Variants in OTOF observed in about 807,000 individuals in gnomAD.
OTOF encodes the protein otoferlin, also known as fer-1-like family member 2.
OTOF carries 218 observed loss-of-function variants against 236.8 expected under a neutral mutation model. The ratio of observed to expected loss-of-function variants is 0.92; its 90% CI spans 0.82 to 1.03. The LOEUF (loss-of-function observed/expected upper bound fraction) is 1.03, where lower values mean the gene tolerates loss of function less well. Among genes scored for constraint, OTOF ranks in the 50% least tolerant of loss-of-function variants. OTOF has a pLI of 0.00. For synonymous variants in OTOF, 1,041 were observed against 1,072.5 expected (o/e 0.97, Z 0.57); for missense variants, 2,590 against 2,694.4 (o/e 0.96, Z 0.86).
rs754868039 is a variant in OTOF, at chr2:26,467,123, C to T, written c.4338G>A (p.Glu1446=). The T allele has an allele frequency of 6.8e-6, 11 of 1,613,904 alleles. No individual in the cohort carries two copies. Among genetic ancestry groups the T allele is most frequent in the Non-Finnish European group, 9.3e-6 (11 of 1,179,998 alleles). The change falls in exon 35 of 47, where the codon GAG becomes GAA. Residue 1446 remains glutamate, a synonymous_variant. Coordinates refer to ENST00000272371, the MANE Select transcript of OTOF (RefSeq NM_194248.3). ...TGDDEDGSTE[E]ERIVGRFKGS... is the part of the protein sequence containing the mutation. Reference sequence around the variant, plus strand: ...CCTTGAAGCGTCCCACAATGCGCTCCTCCTCGGTGGAGCCATCCTCATCAT... The same window carrying T: ...CCTTGAAGCGTCCCACAATGCGCTCTTCCTCGGTGGAGCCATCCTCATCAT...
At chr2:26,459,867 C>T (rs1664374542) in intron 46 of OTOF, 141 bp downstream of exon 46, 1 of 808,570 alleles carries the variant, frequency 1.2e-6, no homozygotes, top group East Asian at 2.7e-5. Context: ...TTGTGCGTGG[C>T]ACATGTGTGC....
chr2:26,476,798 C>A, intron 22 of OTOF, 93 bp downstream of exon 22: 2 of 1,172,356 alleles, frequency 1.7e-6, no homozygotes, highest in East Asian at 4.9e-5. Context: ...TGCTTGAAGG[C>A]CCCACCCTGT....
chr2:26,483,363 T>G (rs1665615300), intron 13 of OTOF, 99 bp downstream of exon 13: 1 of 1,123,170 alleles, frequency 8.9e-7, no homozygotes, highest in African/African-American at 1.5e-5. Flanking sequence ...TTTCCAGCCT[T>G]GTCTTACCTG....
chr2:26,475,400 G>C lies in OTOF; in HGVS notation c.3085C>G (p.Pro1029Ala). 6.2e-7 allele frequency: 1 copy of C among 1,613,134 alleles called. No individual in the cohort carries two copies. Among genetic ancestry groups the C allele is most frequent in the Non-Finnish European group, 8.5e-7 (1 of 1,179,936 alleles). The change falls in exon 25 of 47, where the codon CCG (proline) becomes GCG (alanine). Residue 1029 changes from proline (P) to alanine (A), a missense_variant. Physicochemically the swap from Pro to Ala is conservative, Grantham distance 27 (BLOSUM62 -1). This residue lies in a region of OTOF where 1,211 missense variants were observed against 1,352.8 expected (regional missense o/e 0.90). Transcript: ENST00000272371. ...TAGATTTCAATGACAATGATGGGCG[G>C]ATCGTCCCTCAGCTCATGAGCTTCA... ...YGEAHELRDD[P>A]PIIVIEIYDQ...
At chr2:26,483,990 C>T (rs186145562) in intron 12 of OTOF, among the ~76,000 whole-genome samples, 9 of 152,282 alleles carry the variant, frequency 5.9e-5, no homozygotes, top group African/African-American at 1.7e-4. Context: ...AGTTTTGTGC[C>T]GTATCTTTTG....
At position 26,470,889 on chromosome 2, in the gene OTOF, A is replaced by G. The variant is rs1476426794; in HGVS notation, c.3895-168T>C. Among the ~76,000 whole-genome samples the G allele has an allele frequency of 2.0e-5, 3 of 152,160 alleles. No homozygotes were observed. The highest frequency in any genetic ancestry group is 7.2e-5 in the African/African-American group (3 of 41,428). On this transcript the variant is annotated intron_variant, in intron 31 of 46. Transcript: ENST00000272371. The surrounding 1 kb of genome is among the most constrained non-coding windows in gnomAD (Gnocchi z 4.3). Reference sequence around the variant, plus strand: ...GGCCTTATTTTATGGAGAAGGTGCCACAGGCCACAGAGTGTTGTGACCTGC... The same window carrying G: ...GGCCTTATTTTATGGAGAAGGTGCCGCAGGCCACAGAGTGTTGTGACCTGC...
At chr2:26,515,022 C>G (rs994649550) in intron 5 of OTOF, among the ~76,000 whole-genome samples, 1 of 152,228 alleles carries the variant, frequency 6.6e-6, no homozygotes, top group Non-Finnish European at 1.5e-5. Flanking sequence ...CATTGTTGTG[C>G]TACAAGAAAC....
Position 26,489,238 on chromosome 2 carries a change from C to A in OTOF, c.1018G>T (p.Asp340Tyr). 1 of 1,612,936 alleles carries A rather than the reference C, an allele frequency of 6.2e-7. No individual in the cohort carries two copies. Among genetic ancestry groups the A allele is most frequent in the Non-Finnish European group, 8.5e-7 (1 of 1,179,730 alleles). Residue 340 changes from aspartate (D) to tyrosine (Y), a missense_variant, in exon 11 of 47, where the codon GAC (aspartate) becomes TAC (tyrosine). Asp to Tyr is a radical substitution (Grantham distance 160). Transcript: ENST00000272371. The stretch of plus-strand genomic sequence containing the variant: ...GGCTGCGAGTACACGGTTCCCACGT[C>A]CATTTTGAAGGAGCCCACCAGGGTG... ...SGTLVGSFKM[D>Y]VGTVYSQPEH...
At position 26,465,671 on chromosome 2, in the gene OTOF, C is replaced by T. The variant is rs200147906; in HGVS notation, c.4799+1G>A. On this transcript the variant is annotated splice_donor_variant, in intron 38 of 46. Coordinates refer to ENST00000272371, the MANE Select transcript of OTOF (RefSeq NM_194248.3). LOFTEE classifies it high-confidence loss of function. ...CGCCCTCTGCCCCATGCCCCACATA[C>T]GTGGAGTAGGTCTGGGCGATGCCGC... is the stretch of plus-strand genomic sequence containing the variant. The T allele has an allele frequency of 8.7e-6, 14 of 1,614,138 alleles. No homozygotes were observed. The highest frequency in any genetic ancestry group is 5.0e-5 in the Admixed American group (3 of 60,038).
At position 26,516,555 on chromosome 2, in the gene OTOF, T is replaced by G; in HGVS notation, c.372A>C (p.Thr124=). The G allele has an allele frequency of 6.2e-7, 1 of 1,611,212 alleles. No homozygotes were observed. Among genetic ancestry groups the G allele is most frequent in the Non-Finnish European group, 8.5e-7 (1 of 1,179,926 alleles). The change falls in exon 5 of 47, where the codon ACA becomes ACC. Residue 124 remains threonine (T), a synonymous_variant. Transcript: ENST00000272371. The part of the protein sequence containing the change: ...VEVRYQATDG[T]VGSWDDGDFL... ...AGTCCCCATCGTCCCAGGAGCCCAC[T>G]GTGCCGTCAGTGGCCTGATACCGGA...
In OTOF at chr2:26,475,958, G is replaced by T; in HGVS notation, c.2947C>A (p.Pro983Thr). 1 of 1,612,194 alleles carries T rather than the reference G, an allele frequency of 6.2e-7. No homozygotes were observed. The highest frequency in any genetic ancestry group is 8.5e-7 in the Non-Finnish European group (1 of 1,179,708). Residue 983 changes from proline to threonine, a missense_variant, in exon 24 of 47, where the codon CCC becomes ACC. This residue lies in a region of OTOF where 1,379 missense variants were observed against 1,341.6 expected (regional missense o/e 1.03). Coordinates refer to ENST00000272371, the MANE Select transcript of OTOF (RefSeq NM_194248.3). ...FAADSSGLSD[P>T]FARVFFINQS... is the part of the protein sequence containing the mutation. Reference sequence around the variant, plus strand: ...TTGATGAAGAAGACGCGGGCAAAGGGGTCTGAGAGTCCGCTGCTGTCGGCG... The same window carrying T: ...TTGATGAAGAAGACGCGGGCAAAGGTGTCTGAGAGTCCGCTGCTGTCGGCG...
chr2:26,468,240 G>A (rs560416318), intron 33 of OTOF, among the ~76,000 whole-genome samples, 168 bp downstream of exon 33: 6 of 152,190 alleles, frequency 3.9e-5, no homozygotes, highest in Non-Finnish European at 8.8e-5. Flanking sequence ...CTGGACAAGG[G>A]CCTTAGCCTG....
In OTOF at chr2:26,470,685, CCTT is replaced by C. The variant is rs368148603; in HGVS notation, c.3928_3930del (p.Lys1310del). The stretch of plus-strand genomic sequence containing the variant: ...TCCTCCTCTGGCTCCTCCGCAGTGC[CCTT>C]CTTCTTCTTCTTCTTCTCCTTCTCC... On this transcript the variant is annotated inframe_deletion, in exon 32 of 47. Transcript: ENST00000272371. The surrounding 1 kb of genome is among the most constrained non-coding windows in gnomAD (Gnocchi z 4.3). 866 of 1,597,930 alleles carry C rather than the reference CCTT, an allele frequency of 5.4e-4. 1 individual carries two copies. Among genetic ancestry groups the C allele is most frequent in the Non-Finnish European group, 6.0e-4 (698 of 1,167,010 alleles).
chr2:26,458,268 C>T (rs1308346760), intron 46 of OTOF, 48 bp from the exon 47 acceptor site: 1 of 1,532,218 alleles, frequency 6.5e-7, no homozygotes, highest in Non-Finnish European at 8.9e-7. Context: ...CAGGAGCTGC[C>T]TCCCAGTGCA....
chr2:26,494,656 T>TGGGGGGGGGGGGG (rs143905954), intron 9 of OTOF, among the ~76,000 whole-genome samples: 1 of 118,420 alleles, frequency 8.4e-6, no homozygotes, highest in Non-Finnish European at 1.8e-5. Flanking sequence ...GGGAGTGGGG[T>TGGGGGGGGGGGGG]GGGGGGGGGT....
chr2:26,503,785 C>T lies in OTOF; in HGVS notation c.570G>A (p.Glu190=), dbSNP rs1280139615. 1.9e-6 allele frequency: 3 copies of T among 1,613,994 alleles called. No homozygotes were observed. Among genetic ancestry groups the T allele is most frequent in the South Asian group, 1.1e-5 (1 of 91,082 alleles). The change falls in exon 6 of 47, where the codon GAG becomes GAA. Residue 190 remains glutamate, a synonymous_variant. Coordinates refer to ENST00000272371, the MANE Select transcript of OTOF (RefSeq NM_194248.3). ...KLGKNRSHKE[E]PQRPDEPAVL... ...CACCTGTCCTACCTGGTCTTTGGGG[C>T]TCCTCCTTGTGAGACCGGTTTTTGC...
At chr2:26,483,163 G>A (rs762763270) in intron 13 of OTOF, among the ~76,000 whole-genome samples, 8 of 151,770 alleles carry the variant, frequency 5.3e-5, no homozygotes, top group Admixed American at 2.0e-4. Flanking sequence ...GTTGGTATGC[G>A]TGCGTGTGTG....
chr2:26,536,272 C>A (rs937128298), intron 2 of OTOF, among the ~76,000 whole-genome samples: 1 of 152,216 alleles, frequency 6.6e-6, no homozygotes, highest in Non-Finnish European at 1.5e-5. Flanking sequence ...TCACACCCAT[C>A]ACCAACCCCA....
rs1306439147 is a variant in OTOF, at chr2:26,463,977, G to A, written c.5090C>T (p.Pro1697Leu). Residue 1697 changes from proline (P) to leucine (L), a missense_variant, in exon 40 of 47, where the codon CCG becomes CTG. By Grantham distance (98) the Pro-to-Leu change is moderately conservative (BLOSUM62 -3). This residue lies in a region of OTOF where 1,211 missense variants were observed against 1,352.8 expected (regional missense o/e 0.90). Transcript: ENST00000272371. ...TGCAAGTGTCACCTGCTCGATGCCC[G>A]GCTTGTCGGGGTTGAGCAGCGGCCT... is the stretch of plus-strand genomic sequence containing the variant. ...ETRPLLNPDK[P>L]GIEQGRLELW... The A allele has an allele frequency of 6.2e-6, 10 of 1,613,696 alleles. No homozygotes were observed. Among genetic ancestry groups the A allele is most frequent in the South Asian group, 3.3e-5 (3 of 91,082 alleles).
Sources: allele counts gnomAD v4.1 joint callset (sites outside exome capture counted in the v4.1 genomes callset), GRCh38; gene constraint gnomAD v4.1.1; regional missense constraint gnomAD v4.1.1; non-coding constraint Gnocchi (gnomAD v3.1); transcripts MANE v1.5; gene names NCBI Gene and HGNC (gene_info 2026-07-23, HGNC 2026-07-21).